Variants in SLC22A25 observed in about 807,000 individuals in gnomAD.
The protein encoded by SLC22A25 is MGI:2442751, MGI:2385316, MGI:3042283, MGI:3645714, MGI:3605624, MGI:2442750.
Under a neutral mutation model 45.9 loss-of-function variants are expected in SLC22A25, and 44 were observed. The ratio of observed to expected loss-of-function variants is 0.96; its 90% CI spans 0.75 to 1.23. The LOEUF (loss-of-function observed/expected upper bound fraction) is 1.23, where lower values mean the gene tolerates loss of function less well. SLC22A25 is among the 50% of genes most tolerant of loss of function. SLC22A25 has a pLI of 0.00. For synonymous variants in SLC22A25, 283 were observed against 238.6 expected (o/e 1.19, Z -1.72); for missense variants, 800 against 666.4 (o/e 1.20, Z -2.21).
Position 63,160,512 on chromosome 11 carries a change from C to T in SLC22A25, c.*3312G>A, listed in dbSNP as rs1171121480. 2.0e-5 allele frequency among the ~76,000 whole-genome samples: 3 copies of T among 152,180 alleles called. No homozygotes were observed. The highest frequency in any genetic ancestry group is 7.2e-5 in the African/African-American group (3 of 41,444). On this transcript the variant is annotated 3_prime_UTR_variant, in exon 12 of 12. Transcript: ENST00000306494. ...GCCTGGATGCCCAGGTAGAAGTTTG[C>T]TGCAGGGGTGGGGTCCTCATGGAGA...
At chr11:63,196,562 A>G (rs2089040161) in intron 7 of SLC22A25, among the ~76,000 whole-genome samples, 1 of 152,230 alleles carries the variant, frequency 6.6e-6, no homozygotes, top group Admixed American at 6.5e-5. Flanking sequence ...ACAGCCCTTC[A>G]TGCTGAAAAC....
At chr11:63,205,401 C>T (rs776464715) in intron 7 of SLC22A25, among the ~76,000 whole-genome samples, 17 of 151,334 alleles carry the variant, frequency 1.1e-4, no homozygotes, top group Admixed American at 6.6e-4. Context: ...CAAAATAGAC[C>T]GCTAGCAGGA....
At chr11:63,180,129 T>A (rs2134732023) in intron 9 of SLC22A25, among the ~76,000 whole-genome samples, 1 of 152,272 alleles carries the variant, frequency 6.6e-6, no homozygotes, top group Middle Eastern at 3.4e-3. Context: ...CTTGTCTCAG[T>A]TTTGAAATTC....
chr11:63,241,339 G>T (rs1294479793), intron 1 of SLC22A25, among the ~76,000 whole-genome samples: 2 of 152,124 alleles, frequency 1.3e-5, no homozygotes, highest in Non-Finnish European at 2.9e-5. Flanking sequence ...ACAGAGCCTG[G>T]TGGACTTCAA....
chr11:63,202,068 G>T (rs2089261938), intron 7 of SLC22A25, among the ~76,000 whole-genome samples: 1 of 152,116 alleles, frequency 6.6e-6, no homozygotes, highest in African/African-American at 2.4e-5. Flanking sequence ...CCCTAGCCAA[G>T]GGAAGCCATG....
At chr11:63,233,365 C>T (rs761747681) in intron 3 of SLC22A25, among the ~76,000 whole-genome samples, 12 of 151,814 alleles carry the variant, frequency 7.9e-5, no homozygotes, top group African/African-American at 1.5e-4. Flanking sequence ...TAGTCTTGGG[C>T]GGGTGTATGT....
Position 63,231,115 on chromosome 11 carries a change from G to A in SLC22A25, c.-444-1019C>T, listed in dbSNP as rs149892275. On this transcript the variant is annotated intron_variant, in intron 3 of 11. Transcript: ENST00000306494. The stretch of plus-strand genomic sequence containing the variant: ...GAATAGTGCCACAATAAACATACAT[G>A]TGCATGTGTCTTTATAGCAGCATGA... Among the ~76,000 whole-genome samples the A allele has an allele frequency of 5.1e-3, 775 of 152,274 alleles. 2 individuals carry two copies. Among genetic ancestry groups the A allele is most frequent in the Non-Finnish European group, 8.2e-3 (555 of 68,022 alleles).
At chr11:63,201,617 A>G (rs2089246310) in intron 7 of SLC22A25, among the ~76,000 whole-genome samples, 1 of 152,204 alleles carries the variant, frequency 6.6e-6, no homozygotes, top group African/African-American at 2.4e-5. Flanking sequence ...TCATGATAAA[A>G]ACACCCAAAG....
chr11:63,231,359 G>A (rs1328662232), intron 3 of SLC22A25, among the ~76,000 whole-genome samples: 2 of 152,140 alleles, frequency 1.3e-5, no homozygotes, highest in East Asian at 3.8e-4. Context: ...GGTGTGAGAT[G>A]GTATCTCATT....
At chr11:63,230,783 A>C (rs1039468533) in intron 3 of SLC22A25, among the ~76,000 whole-genome samples, 1 of 152,116 alleles carries the variant, frequency 6.6e-6, no homozygotes, top group Non-Finnish European at 1.5e-5. Flanking sequence ...TATATCTCCT[A>C]ATGCTATCCC....
chr11:63,174,393 C>G (rs1233654203), intron 9 of SLC22A25, among the ~76,000 whole-genome samples: 1 of 152,106 alleles, frequency 6.6e-6, no homozygotes, highest in South Asian at 2.1e-4. Context: ...GCACATAGAT[C>G]AGATAAGAAC....
chr11:63,229,289 A>G lies in SLC22A25; in HGVS notation c.364T>C (p.Tyr122His), dbSNP rs2090023276. ...DTEPCVDGWVYDQSSFPSTIV... is the reference protein window; with the variant it reads ...DTEPCVDGWVHDQSSFPSTIV... Reference sequence around the variant, plus strand: ...GTGGAAGGGAAGGAGCTTTGGTCATATACCCAGCCATCCACACAGGGCTCT... The same window carrying G: ...GTGGAAGGGAAGGAGCTTTGGTCATGTACCCAGCCATCCACACAGGGCTCT... The change falls in exon 4 of 12, where the codon TAT becomes CAT. Residue 122 changes from tyrosine to histidine, a missense_variant. Transcript: ENST00000306494. The G allele has an allele frequency of 1.9e-6, 3 of 1,580,696 alleles. No individual in the cohort carries two copies. In the East Asian group the frequency reaches 6.7e-5, roughly 35 times the overall value.
intron 9 of SLC22A25, among the ~76,000 whole-genome samples, chr11:63,178,623 C>T (rs2088206322): frequency 6.6e-6 from 1 of 152,052 alleles, no homozygotes. Flanking sequence ...TAAGAAATGT[C>T]TATTCAGGTA....
At chr11:63,194,932 A>AAAAAAAAAAAAAAAAAAAAAAAAAAAG in intron 7 of SLC22A25, among the ~76,000 whole-genome samples, 1 of 102,888 alleles carries the variant, frequency 9.7e-6, no homozygotes, top group African/African-American at 3.6e-5. Context: ...AAAAAAAAAA[A>AAAAAAAAAAAAAAAAAAAAAAAAAAAG]AAAAGCAGGG....
intron 9 of SLC22A25, chr11:63,166,896 G>A (rs1010655551): frequency 2.5e-5 from 25 of 981,900 alleles, no homozygotes; most frequent in African/African-American, 2.3e-4. Flanking sequence ...CAAGATGGCC[G>A]AATAGGAAGA....
In SLC22A25 at chr11:63,180,727, G is replaced by A. The variant is rs754724453; in HGVS notation, c.1003C>T (p.His335Tyr). 1.4e-5 allele frequency: 22 copies of A among 1,613,080 alleles called. 1 individual carries two copies. Among genetic ancestry groups the A allele is most frequent in the Non-Finnish European group, 1.7e-5 (20 of 1,179,534 alleles). ...ATGCGGAGCAATTCACAAAGAGAAT[G>A]CTTTTTCTGTGCTGCCTCCAGTTCT... ...KQELEAAQKK[H>Y]SLCELLRIPN... Residue 335 changes from histidine to tyrosine, a missense_variant, in exon 9 of 12, where the codon CAT becomes TAT. Coordinates refer to ENST00000306494, the MANE Select transcript of SLC22A25 (RefSeq NM_199352.6).
intron 9 of SLC22A25, among the ~76,000 whole-genome samples, chr11:63,174,955 T>G (rs1365245686): frequency 6.6e-6 from 1 of 152,174 alleles, no homozygotes; most frequent in Non-Finnish European, 1.5e-5. Context: ...ATGTTGGATA[T>G]GACATTTTTC....
At chr11:63,170,461 A>T (rs71496959) in intron 9 of SLC22A25, among the ~76,000 whole-genome samples, 1 of 152,074 alleles carries the variant, frequency 6.6e-6, no homozygotes, top group African/African-American at 2.4e-5. Context: ...TAAAATAGAC[A>T]CAATAAAAAA....
chr11:63,217,872 G>T, intron 5 of SLC22A25, 137 bp from the exon 6 acceptor site: 1 of 1,015,412 alleles, frequency 9.8e-7, no homozygotes. Context: ...AGAATCAACA[G>T]TTAATCAATG....
Sources: allele counts gnomAD v4.1 joint callset (sites outside exome capture counted in the v4.1 genomes callset), GRCh38; gene constraint gnomAD v4.1.1; transcripts MANE v1.5; gene names NCBI Gene and HGNC (gene_info 2026-07-23, HGNC 2026-07-21).